The following TRHDE variants were observed in gnomAD, a reference collection of about 807,000 sequenced individuals.
TRHDE encodes the protein thyrotropin-releasing hormone-degrading ectoenzyme.
Under a neutral mutation model 125.7 loss-of-function variants are expected in TRHDE, and 72 were observed. The observed-to-expected ratio is 0.57, with a 90% confidence interval of 0.47 to 0.70. The LOEUF (loss-of-function observed/expected upper bound fraction) is 0.70. Ranked by LOEUF, TRHDE falls within the 30% of genes least tolerant of loss-of-function variation. TRHDE has a pLI of 0.00. For synonymous variants in TRHDE, 509 were observed against 509.1 expected, an observed-to-expected ratio of 1.00 and a Z score of 0.00; for missense variants, 1,110 against 1,327.1, an observed-to-expected ratio of 0.84 and a Z score of 2.54.
At chr12:72,595,429 C>T (rs999393608) in intron 12 of TRHDE, among the ~76,000 whole-genome samples, 1 of 151,910 alleles carries the variant, frequency 6.6e-6, no homozygotes, top group Non-Finnish European at 1.5e-5. Context: ...GACAAATTGT[C>T]AAGTTGTCAT....
At chr12:72,441,256 A>T (rs1218830577) in intron 3 of TRHDE, among the ~76,000 whole-genome samples, 1 of 151,842 alleles carries the variant, frequency 6.6e-6, no homozygotes, top group Non-Finnish European at 1.5e-5. Flanking sequence ...CCTTCCTCTC[A>T]TATAATGTTT....
At chr12:72,617,219 GCTCA>G (rs1872854260) in intron 12 of TRHDE, among the ~76,000 whole-genome samples, 1 of 152,030 alleles carries the variant, frequency 6.6e-6, no homozygotes, top group Non-Finnish European at 1.5e-5. Context: ...TCTGAAGTTT[GCTCA>G]CTATTTATGT....
chr12:72,407,302 G>C (rs981866958), intron 3 of TRHDE, among the ~76,000 whole-genome samples: 1 of 152,186 alleles, frequency 6.6e-6, no homozygotes, highest in African/African-American at 2.4e-5. Flanking sequence ...TCTGACTCCT[G>C]TCTGAGAAAT....
At chr12:72,435,684 C>T (rs950106638) in intron 3 of TRHDE, among the ~76,000 whole-genome samples, 1 of 148,248 alleles carries the variant, frequency 6.7e-6, no homozygotes, top group Non-Finnish European at 1.5e-5. Context: ...CCACTGTTGC[C>T]TTGTGTTTGT....
chr12:72,227,478 C>T (rs780518537), intron 2 of TRHDE, among the ~76,000 whole-genome samples: 1 of 152,140 alleles, frequency 6.6e-6, no homozygotes, highest in Non-Finnish European at 1.5e-5. Context: ...CAACTGGGTC[C>T]CTCCCATGAC....
intron 12 of TRHDE, among the ~76,000 whole-genome samples, chr12:72,580,561 C>T (rs1871178497): frequency 6.6e-6 from 1 of 152,190 alleles, no homozygotes. Context: ...CCTGCCTCAG[C>T]CTCCTGAGTA....
intron 2 of TRHDE, among the ~76,000 whole-genome samples, chr12:72,265,996 C>T (rs1879059173): frequency 6.6e-6 from 1 of 151,920 alleles, no homozygotes; most frequent in African/African-American, 2.4e-5. Context: ...ATAATAATCA[C>T]TTGTTATTCA....
At chr12:72,359,724 G>T (rs1870982770) in intron 2 of TRHDE, among the ~76,000 whole-genome samples, 1 of 151,668 alleles carries the variant, frequency 6.6e-6, no homozygotes. Context: ...AAGTTGACAT[G>T]CAAATACAGT....
intron 2 of TRHDE, among the ~76,000 whole-genome samples, chr12:72,117,796 T>C (rs1282631086): frequency 1.3e-5 from 2 of 152,022 alleles, no homozygotes; most frequent in Admixed American, 1.3e-4. Flanking sequence ...TTTACTTCTT[T>C]TGTTAATTCC....
At chr12:72,373,858 G>T (rs1196412134) in intron 2 of TRHDE, among the ~76,000 whole-genome samples, 2 of 152,128 alleles carry the variant, frequency 1.3e-5, no homozygotes, top group Admixed American at 6.6e-5. Context: ...GAGCTAAAAG[G>T]GATTAGATTA....
chr12:72,563,002 C>G lies in TRHDE; in HGVS notation c.2004C>G (p.Ile668Met). The stretch of plus-strand genomic sequence containing the variant: ...CCCAACAGCATTTTATCTATGATAT[C>G]AGTGCTAAAACTAAAGCACTTAAAC... ...IITQQHFIYD[I>M]SAKTKALKLQ... is the part of the protein sequence containing the mutation. Residue 668 changes from isoleucine (I) to methionine (M), a missense_variant, in exon 9 of 19, where the codon ATC (isoleucine) becomes ATG (methionine). By Grantham distance (10) the Ile-to-Met change is conservative. Transcript: ENST00000261180. 1 of 1,606,540 alleles carries G rather than the reference C, an allele frequency of 6.2e-7. No homozygotes were observed. Among genetic ancestry groups the G allele is most frequent in the Non-Finnish European group, 8.5e-7 (1 of 1,176,438 alleles).
At chr12:72,625,338 C>T (rs576094382) in intron 15 of TRHDE, among the ~76,000 whole-genome samples, 1 of 151,520 alleles carries the variant, frequency 6.6e-6, no homozygotes, top group Admixed American at 6.6e-5. Context: ...ATGTCCATTC[C>T]CTAACATAAA....
At chr12:72,637,217 C>T (rs898791582) in intron 15 of TRHDE, among the ~76,000 whole-genome samples, 5 of 151,810 alleles carry the variant, frequency 3.3e-5, no homozygotes, top group Non-Finnish European at 5.9e-5. Flanking sequence ...CAACTTCTTC[C>T]TGGTTTAGTC....
At chr12:72,532,781 T>A (rs1490967607) in intron 6 of TRHDE, among the ~76,000 whole-genome samples, 2 of 149,886 alleles carry the variant, frequency 1.3e-5, no homozygotes, top group Non-Finnish European at 3.0e-5. Context: ...ATATTATATA[T>A]AGATTATATT....
rs115384137 is a variant in TRHDE, at chr12:72,490,770, A to C, written c.1585-8728A>C. ...TGTGGAATCTGTAAAAAAAAAAAAA[A>C]AACAACCCTTGAATATATAGAGATA... On this transcript the variant is annotated intron_variant, in intron 5 of 18. Transcript: ENST00000261180. Among the ~76,000 whole-genome samples, 86 of 151,160 alleles carry C rather than the reference A, an allele frequency of 5.7e-4. 2 individuals are homozygous for C. The highest frequency in any genetic ancestry group is 3.5e-3 in the Admixed American group (53 of 15,138).
intron 1 of TRHDE, among the ~76,000 whole-genome samples, chr12:72,096,226 G>A (rs1341754570): frequency 2.6e-5 from 4 of 151,180 alleles, no homozygotes; most frequent in Non-Finnish European, 5.9e-5. Context: ...TGGAATATTT[G>A]TTTCTCTAAT....
intron 2 of TRHDE, among the ~76,000 whole-genome samples, chr12:72,108,743 C>T (rs925494910): frequency 1.6e-4 from 25 of 152,030 alleles, no homozygotes; most frequent in African/African-American, 3.9e-4. Flanking sequence ...TGAAAGAATA[C>T]GGGAACATAA....
At chr12:72,224,117 T>G (rs1485079248) in intron 2 of TRHDE, among the ~76,000 whole-genome samples, 1 of 58,482 alleles carries the variant, frequency 1.7e-5, no homozygotes, top group Admixed American at 1.9e-4. Flanking sequence ...TATCTATCTA[T>G]CTATCTATCT....
intron 2 of TRHDE, among the ~76,000 whole-genome samples, chr12:72,349,784 T>C (rs573866015): frequency 6.6e-6 from 1 of 152,182 alleles, no homozygotes; most frequent in African/African-American, 2.4e-5. Context: ...TGAGAAAATC[T>C]GATTAGGTCT....
Sources: allele counts gnomAD v4.1 joint callset (sites outside exome capture counted in the v4.1 genomes callset), GRCh38; gene constraint gnomAD v4.1.1; transcripts MANE v1.5; gene names NCBI Gene and HGNC (gene_info 2026-07-23, HGNC 2026-07-21).